Variants in FAP observed in about 807,000 individuals in gnomAD.
FAP encodes the protein fibroblast activation protein alpha, also known as prolyl endopeptidase FAP.
FAP carries 110 observed loss-of-function variants against 126.5 expected under a neutral mutation model. The observed-to-expected ratio is 0.87, with a 90% CI of 0.74 to 1.02. The LOEUF (loss-of-function observed/expected upper bound fraction) is 1.02, where lower values mean the gene tolerates loss of function less well. FAP is among the 50% of genes least tolerant of loss of function. The pLI is 0.00. For synonymous variants in FAP, 334 were observed against 297.3 expected, an observed-to-expected ratio of 1.12 and a Z score of -1.27; for missense variants, 919 against 909.2, an observed-to-expected ratio of 1.01 and a Z score of -0.14.
intron 2 of FAP, among the ~76,000 whole-genome samples, chr2:162,229,312 C>T (rs1302232364): frequency 2.0e-5 from 3 of 152,122 alleles, no homozygotes; most frequent in Admixed American, 2.0e-4. Context: ...TATCGTAACT[C>T]ATCAGTATTT....
intron 23 of FAP, among the ~76,000 whole-genome samples, chr2:162,173,493 G>A (rs1169649237): frequency 6.6e-6 from 1 of 151,980 alleles, no homozygotes; most frequent in Non-Finnish European, 1.5e-5. Flanking sequence ...GTAGGGGTTG[G>A]GGGTGGGGAG....
intron 10 of FAP, among the ~76,000 whole-genome samples, chr2:162,215,019 G>A (rs999842695): frequency 6.6e-5 from 10 of 151,174 alleles, no homozygotes; most frequent in African/African-American, 1.9e-4. Context: ...GCCACCTGTG[G>A]AGAATGACAC....
At chr2:162,207,901 G>C (rs957843272) in intron 12 of FAP, among the ~76,000 whole-genome samples, 8 of 150,280 alleles carry the variant, frequency 5.3e-5, no homozygotes, top group Non-Finnish European at 7.4e-5. Context: ...TTAGTAGACG[G>C]GGTTTCACAG....
chr2:162,198,876 C>T lies in FAP; in HGVS notation c.1283G>A (p.Ser428Asn), dbSNP rs763543600. 5.0e-6 allele frequency: 8 copies of T among 1,613,290 alleles called. No individual in the cohort carries two copies. Among genetic ancestry groups the T allele is most frequent in the East Asian group, 2.2e-5 (1 of 44,888 alleles). ...CTTGCTTGGAGGATAGCTTCCAATG[C>T]TAATTCTAGAGGGAAATGAAAATAA... ...YPGRRNIYRI[S>N]IGSYPPSKKC... The change falls in exon 16 of 26, where the codon AGC (serine) becomes AAC (asparagine). Residue 428 changes from serine to asparagine, a missense_variant. Coordinates refer to ENST00000188790, the MANE Select transcript of FAP (RefSeq NM_004460.5).
At position 162,224,495 on chromosome 2, in the gene FAP, A is replaced by G; in HGVS notation, c.331T>C (p.Phe111Leu). The change falls in exon 5 of 26, where the codon TTT becomes CTT. Residue 111 changes from phenylalanine (F) to leucine (L), a missense_variant. Coordinates refer to ENST00000188790, the MANE Select transcript of FAP (RefSeq NM_004460.5). ...GAATAATCACTTTCTAGATATACAA[A>G]TTGCCGATCAGGTGATAAGCCGTAA... ...SNYGLSPDRQ[F>L]VYLESDYSKL... 6.2e-7 allele frequency: 1 copy of G among 1,600,148 alleles called. No individual in the cohort carries two copies. The highest frequency in any genetic ancestry group is 8.5e-7 in the Non-Finnish European group (1 of 1,174,912).
intron 20 of FAP, among the ~76,000 whole-genome samples, chr2:162,184,388 A>G (rs1300252063): frequency 1.3e-5 from 2 of 152,148 alleles, no homozygotes; most frequent in Non-Finnish European, 2.9e-5. Flanking sequence ...ACTGTTAAAG[A>G]CCTTTCTCAT....
Position 162,226,527 on chromosome 2 carries a change from A to C in FAP, c.186T>G (p.Ile62Met), listed in dbSNP as rs781455730. 3 of 1,541,936 alleles carry C rather than the reference A, an allele frequency of 1.9e-6. No individual in the cohort carries two copies. The South Asian group carries it at 3.6e-5, about 18-fold the overall frequency. ...AAAGATAAATAATGCACTTACCTGA[A>C]ATCCAGTTTGGAAAAAATGTTTTAT... ...FSYKTFFPNW[I>M]SGQEYLHQSA... The change falls in exon 3 of 26, where the codon ATT becomes ATG. Residue 62 changes from isoleucine (I) to methionine (M), a missense_variant. Physicochemically the swap from Ile to Met is conservative, Grantham distance 10. Coordinates refer to ENST00000188790, the MANE Select transcript of FAP (RefSeq NM_004460.5).
chr2:162,243,318 T>C lies in FAP; in HGVS notation c.6+4A>G. 6.2e-7 allele frequency: 1 copy of C among 1,607,800 alleles called. No homozygotes were observed. The highest frequency in any genetic ancestry group is 2.2e-5 in the East Asian group (1 of 44,812). Reference sequence around the variant, plus strand: ...TAAGAATACTTGAGGTTGCTTATACTAACCTTCATTTTTCCAGATGTTTTT... The same window carrying C: ...TAAGAATACTTGAGGTTGCTTATACCAACCTTCATTTTTCCAGATGTTTTT... On this transcript the variant is annotated splice_donor_region_variant and intron_variant, in intron 1 of 25. Coordinates refer to ENST00000188790, the MANE Select transcript of FAP (RefSeq NM_004460.5).
intron 2 of FAP, among the ~76,000 whole-genome samples, chr2:162,234,060 C>T (rs1345607261): frequency 6.6e-6 from 1 of 152,164 alleles, no homozygotes; most frequent in East Asian, 1.9e-4. Context: ...TTCCATTGAT[C>T]TATATATCTA....
intron 21 of FAP, among the ~76,000 whole-genome samples, chr2:162,177,691 C>T (rs1345873432): frequency 1.3e-5 from 2 of 152,158 alleles, no homozygotes; most frequent in Non-Finnish European, 2.9e-5. Flanking sequence ...TCATTTAACA[C>T]TCTCTATATT....
chr2:162,183,536 C>A, intron 20 of FAP, 68 bp from the exon 21 acceptor site: 1 of 883,858 alleles, frequency 1.1e-6, no homozygotes, highest in Non-Finnish European at 1.8e-6. Context: ...CATTACACAA[C>A]CATATTTAAT....
intron 21 of FAP, among the ~76,000 whole-genome samples, chr2:162,180,989 T>C (rs1341783154): frequency 6.6e-6 from 1 of 152,124 alleles, no homozygotes; most frequent in Non-Finnish European, 1.5e-5. Flanking sequence ...AAATAATAAA[T>C]GGAGGCCGGA....
intron 12 of FAP, chr2:162,209,716 CAAACTT>C (rs1413062112): frequency 2.8e-5 from 13 of 470,768 alleles, no homozygotes; most frequent in African/African-American, 5.9e-5. Context: ...ATTCAGTTGA[CAAACTT>C]AAAATTGGGA....
chr2:162,188,287 C>T lies in FAP; in HGVS notation c.1696G>A (p.Gly566Arg), dbSNP rs1051471016. The change falls in exon 20 of 26, where the codon GGG (glycine) becomes AGG (arginine). Residue 566 changes from glycine to arginine, a missense_variant. By Grantham distance (125) the Gly-to-Arg change is moderately radical. Coordinates refer to ENST00000188790, the MANE Select transcript of FAP (RefSeq NM_004460.5). ...CCATCCACCAAGGCAATGACCATCCCTTCCTTACTTGCAAGATAAGATATC... is the reference window on the plus strand; with the variant it reads ...CCATCCACCAAGGCAATGACCATCCTTTCCTTACTTGCAAGATAAGATATC... ...NWISYLASKEGMVIALVDGRG... is the reference protein window; with the variant it reads ...NWISYLASKERMVIALVDGRG... 3 of 1,613,262 alleles carry T rather than the reference C, an allele frequency of 1.9e-6. No homozygotes were observed. The highest frequency in any genetic ancestry group is 2.7e-5 in the African/African-American group (2 of 74,844).
intron 23 of FAP, 144 bp from the exon 24 acceptor site, chr2:162,173,365 T>C: frequency 1.5e-6 from 1 of 663,126 alleles, no homozygotes; most frequent in East Asian, 2.7e-5. Context: ...GAGCAACACA[T>C]TTTCATCATC....
chr2:162,221,810 T>C (rs766460010), intron 6 of FAP: 1 of 448,312 alleles, frequency 2.2e-6, no homozygotes, highest in East Asian at 7.0e-5. Context: ...TTGAAACCAG[T>C]AGTTTTGTTT....
rs1192477074 is a variant in FAP, at chr2:162,218,024, C to T, written c.724G>A (p.Glu242Lys). The change falls in exon 9 of 26, where the codon GAA becomes AAA. Residue 242 changes from glutamate to lysine, a missense_variant. By Grantham distance (56) the Glu-to-Lys change is moderately conservative. Transcript: ENST00000188790. ...PVIAYSYYGD[E>K]QYPRTINIPY... ...ATATTTATTGTTCTAGGATATTGTT[C>T]ATCGCCATAATAGGAATAGGCAATA... is the stretch of plus-strand genomic sequence containing the variant. The T allele has an allele frequency of 1.9e-6, 3 of 1,600,434 alleles. No individual in the cohort carries two copies. The highest frequency in any genetic ancestry group is 2.6e-6 in the Non-Finnish European group (3 of 1,173,570).
chr2:162,198,987 C>T (rs887891723), intron 15 of FAP, 106 bp from the exon 16 acceptor site: 5 of 905,898 alleles, frequency 5.5e-6, no homozygotes, highest in Non-Finnish European at 8.4e-6. Context: ...ATCAAACCCA[C>T]TCTATTTTTC....
intron 12 of FAP, among the ~76,000 whole-genome samples, chr2:162,204,748 T>G (rs1269564669): frequency 6.6e-6 from 1 of 152,170 alleles, no homozygotes; most frequent in African/African-American, 2.4e-5. Flanking sequence ...GCCACAAAGT[T>G]TGCCATAACT....
Sources: gnomAD v4.1 joint callset for allele counts (sites outside exome capture counted in the v4.1 genomes callset) on GRCh38, gnomAD v4.1.1 for gene constraint, MANE v1.5 for transcripts, NCBI Gene and HGNC (gene_info 2026-07-23, HGNC 2026-07-21) for gene names.